The following GRID2 variants were observed in gnomAD, a reference collection of about 807,000 sequenced individuals.
The protein encoded by GRID2 is glutamate receptor ionotropic, delta-2.
GRID2 carries 33 observed loss-of-function variants against 114.8 expected under a neutral mutation model. That is an observed-to-expected ratio of 0.29 (90% CI 0.22 to 0.38). GRID2 has a LOEUF of 0.38. GRID2 is among the 10% of genes least tolerant of loss of function. The probability of loss-of-function intolerance (pLI) is 1.00; values close to 1 mark genes in which losing one functional copy is unlikely to be tolerated. For synonymous variants in GRID2, 505 were observed against 449.9 expected, an observed-to-expected ratio of 1.12 and a Z score of -1.55; for missense variants, 1,184 against 1,257.7, an observed-to-expected ratio of 0.94 and a Z score of 0.89.
At chr4:92,728,189 T>A (rs1254896266) in intron 2 of GRID2, among the ~76,000 whole-genome samples, 1 of 152,018 alleles carries the variant, frequency 6.6e-6, no homozygotes, top group Non-Finnish European at 1.5e-5. Flanking sequence ...TGATTGAACC[T>A]CTTATAATTT....
intron 1 of GRID2, among the ~76,000 whole-genome samples, chr4:92,310,643 G>A (rs2110109000): frequency 6.6e-6 from 1 of 151,908 alleles, no homozygotes; most frequent in South Asian, 2.1e-4. Context: ...AGAAGGTATT[G>A]GACTAAATCT....
chr4:92,968,405 G>A (rs1287513205), intron 2 of GRID2, among the ~76,000 whole-genome samples: 4 of 151,804 alleles, frequency 2.6e-5, no homozygotes, highest in African/African-American at 9.7e-5. Flanking sequence ...CTTTGAATTT[G>A]TTCAGTAATA....
At chr4:93,088,156 G>A (rs115077369) in intron 3 of GRID2, among the ~76,000 whole-genome samples, 3 of 151,978 alleles carry the variant, frequency 2.0e-5, no homozygotes, top group Admixed American at 2.0e-4. Flanking sequence ...TTATAATTAA[G>A]GGCAAAATAT....
chr4:92,735,996 C>A (rs1466148488), intron 2 of GRID2, among the ~76,000 whole-genome samples: 3 of 152,030 alleles, frequency 2.0e-5, no homozygotes, highest in Non-Finnish European at 4.4e-5. Context: ...AAAGCCCCCC[C>A]AAAGATACCC....
At chr4:92,441,336 C>T (rs534782178) in intron 1 of GRID2, among the ~76,000 whole-genome samples, 6 of 152,230 alleles carry the variant, frequency 3.9e-5, no homozygotes, top group African/African-American at 1.4e-4. Context: ...TGAAGCTTTG[C>T]AGCAGTACAG....
At chr4:93,684,560 G>A in intron 14 of GRID2, among the ~76,000 whole-genome samples, 1 of 152,026 alleles carries the variant, frequency 6.6e-6, no homozygotes, top group East Asian at 1.9e-4. Context: ...GTGTTCTCAA[G>A]GCCAGTTCAT....
At chr4:93,538,277 G>A (rs967944359) in intron 13 of GRID2, among the ~76,000 whole-genome samples, 2 of 151,468 alleles carry the variant, frequency 1.3e-5, no homozygotes, top group African/African-American at 2.4e-5. Flanking sequence ...GGGACAAAGG[G>A]GCCAAGTGGA....
At chr4:92,376,171 G>A (rs1232709039) in intron 1 of GRID2, among the ~76,000 whole-genome samples, 1 of 152,002 alleles carries the variant, frequency 6.6e-6, no homozygotes, top group Admixed American at 6.6e-5. Flanking sequence ...TTAGCCCGGT[G>A]TGTTGTCGGG....
chr4:93,049,635 T>G (rs1726502818), intron 2 of GRID2, among the ~76,000 whole-genome samples: 1 of 151,808 alleles, frequency 6.6e-6, no homozygotes, highest in African/African-American at 2.4e-5. Context: ...GAAAACAGTG[T>G]TTTTTTGGAA....
chr4:93,706,336 T>A (rs1299294858), intron 14 of GRID2, among the ~76,000 whole-genome samples: 1 of 152,174 alleles, frequency 6.6e-6, no homozygotes, highest in Non-Finnish European at 1.5e-5. Context: ...TCCATTTTTT[T>A]ACATCCTCTT....
intron 14 of GRID2, among the ~76,000 whole-genome samples, chr4:93,768,083 C>T (rs749098523): frequency 1.3e-5 from 2 of 152,258 alleles, no homozygotes; most frequent in Non-Finnish European, 1.5e-5. Context: ...GTCTCCTACG[C>T]AAGGCTGTAT....
chr4:92,926,105 C>G (rs568052099), intron 2 of GRID2, among the ~76,000 whole-genome samples: 17 of 151,564 alleles, frequency 1.1e-4, no homozygotes, highest in African/African-American at 4.1e-4. Flanking sequence ...TATTAAAAGC[C>G]TTTATGAAGT....
Position 92,903,166 on chromosome 4 carries a change from C to T in GRID2, c.245-181829C>T, listed in dbSNP as rs191270428. 9.3e-4 allele frequency among the ~76,000 whole-genome samples: 141 copies of T among 151,478 alleles called. 1 individual carries two copies. The East Asian group carries it at 0.019, about 21-fold the overall frequency. Reference sequence around the variant, plus strand: ...AGTCAGTGTGGTCATTTTAACGATACTGATTCTTCTGATTCATGAGCATGG... The same window carrying T: ...AGTCAGTGTGGTCATTTTAACGATATTGATTCTTCTGATTCATGAGCATGG... On this transcript the variant is annotated intron_variant, in intron 2 of 15. Transcript: ENST00000282020.
intron 1 of GRID2, among the ~76,000 whole-genome samples, chr4:92,366,602 T>C (rs967651900): frequency 4.6e-5 from 7 of 151,954 alleles, no homozygotes; most frequent in African/African-American, 1.7e-4. Flanking sequence ...GGCATTATTA[T>C]TATCTAGAAT....
chr4:93,030,295 T>C (rs757405524), intron 2 of GRID2, among the ~76,000 whole-genome samples: 3 of 152,200 alleles, frequency 2.0e-5, no homozygotes, highest in Non-Finnish European at 4.4e-5. Context: ...CTAAAAGTGT[T>C]TCTTTTCTAC....
chr4:93,003,865 A>G (rs1405280033), intron 2 of GRID2, among the ~76,000 whole-genome samples: 2 of 151,978 alleles, frequency 1.3e-5, no homozygotes, highest in Non-Finnish European at 2.9e-5. Context: ...AACATTAAAC[A>G]TCCACAGGAC....
At chr4:92,369,678 T>C (rs1193743721) in intron 1 of GRID2, among the ~76,000 whole-genome samples, 2 of 152,198 alleles carry the variant, frequency 1.3e-5, no homozygotes, top group Admixed American at 1.3e-4. Flanking sequence ...TTGACTGCAT[T>C]TTCAGATGAT....
At chr4:93,681,449 C>G (rs1191292625) in intron 14 of GRID2, among the ~76,000 whole-genome samples, 1 of 151,316 alleles carries the variant, frequency 6.6e-6, no homozygotes, top group Non-Finnish European at 1.5e-5. Flanking sequence ...CATGTGGAAC[C>G]AAAAAAGAGC....
chr4:93,332,295 TGTGTGA>T (rs1413976203), intron 8 of GRID2, among the ~76,000 whole-genome samples: 150 of 128,970 alleles, frequency 1.2e-3, no homozygotes, highest in Middle Eastern at 4.4e-3. Flanking sequence ...TGTGTGTGTG[TGTGTGA>T]GAGAGAGAGA....
Sources: gnomAD v4.1 joint callset for allele counts (sites outside exome capture counted in the v4.1 genomes callset) on GRCh38, gnomAD v4.1.1 for gene constraint, MANE v1.5 for transcripts, NCBI Gene and HGNC (gene_info 2026-07-23, HGNC 2026-07-21) for gene names.